Variants in AASDH observed in about 807,000 individuals in gnomAD.
AASDH encodes the protein aminoadipate-semialdehyde dehydrogenase.
A neutral mutation model predicts 102.3 loss-of-function variants in AASDH; 81 were observed. The observed-to-expected ratio is 0.79, with a 90% confidence interval of 0.66 to 0.95. The LOEUF is 0.95. Ranked by LOEUF, AASDH falls within the 40% of genes least tolerant of loss-of-function variation. AASDH has a pLI of 0.00. For missense variants in AASDH, 1,203 were observed against 1,266.2 expected (o/e 0.95, Z 0.76); for synonymous variants, 398 against 454.0 (o/e 0.88, Z 1.57).
At chr4:56,381,819 T>C (rs1753004373) in intron 3 of AASDH, 1 of 152,076 alleles carries the variant, frequency 6.6e-6, no homozygotes, top group Non-Finnish European at 1.5e-5. Context: ...TTATAAATAA[T>C]AAATAAACAA....
At chr4:56,373,442 C>T (rs1362815951) in intron 4 of AASDH, among the ~76,000 whole-genome samples, 1 of 152,128 alleles carries the variant, frequency 6.6e-6, no homozygotes, top group Non-Finnish European at 1.5e-5. Context: ...CGCGCCTGGC[C>T]TCTAGGTTTT....
intron 3 of AASDH, among the ~76,000 whole-genome samples, chr4:56,380,233 G>C (rs1752807284): frequency 6.6e-6 from 1 of 152,190 alleles, no homozygotes; most frequent in South Asian, 2.1e-4. Flanking sequence ...CAGGTGATTT[G>C]GTGGATGGAG....
At position 56,384,116 on chromosome 4, in the gene AASDH, C is replaced by T. The variant is rs750621716; in HGVS notation, c.184G>A (p.Gly62Ser). The T allele has an allele frequency of 2.7e-5, 43 of 1,614,060 alleles. No homozygotes were observed. Among genetic ancestry groups the T allele is most frequent in the Non-Finnish European group, 3.6e-5 (43 of 1,180,010 alleles). Residue 62 changes from glycine to serine, a missense_variant, in exon 2 of 15, where the codon GGT becomes AGT. Gly to Ser is a moderately conservative substitution (Grantham distance 56). Transcript: ENST00000205214. ...HCDFQGIREI[G>S]LYCQPGIDLP... The stretch of plus-strand genomic sequence containing the variant: ...TCTATCCCAGGTTGGCAGTAGAGAC[C>T]AATTTCCCGAATTCCTTGAAAGTCA...
chr4:56,379,570 A>C (rs993705350), intron 3 of AASDH, among the ~76,000 whole-genome samples: 1 of 152,170 alleles, frequency 6.6e-6, no homozygotes, highest in African/African-American at 2.4e-5. Context: ...AAGATAAATA[A>C]ATCTCCAAGA....
At chr4:56,351,296 A>G (rs759064355) in intron 10 of AASDH, 46 bp downstream of exon 10, 3 of 1,265,682 alleles carry the variant, frequency 2.4e-6, no homozygotes, top group Non-Finnish European at 3.4e-6. Flanking sequence ...CTAAAGATAT[A>G]AAACGACCTC....
At chr4:56,365,810 C>G (rs1163963579) in intron 5 of AASDH, among the ~76,000 whole-genome samples, 1 of 152,100 alleles carries the variant, frequency 6.6e-6, no homozygotes, top group Non-Finnish European at 1.5e-5. Context: ...ATTAAAAGAA[C>G]TAGAGAAGCA....
intron 3 of AASDH, 100 bp from the exon 4 acceptor site, chr4:56,378,564 T>C: frequency 9.4e-7 from 1 of 1,063,664 alleles, no homozygotes; most frequent in Non-Finnish European, 1.3e-6. Flanking sequence ...TCAGTATCCT[T>C]GGGGGAATTG....
chr4:56,346,004 C>A (rs1332648379), intron 11 of AASDH, among the ~76,000 whole-genome samples: 3 of 152,212 alleles, frequency 2.0e-5, no homozygotes, highest in Non-Finnish European at 4.4e-5. Context: ...AGAGCCTATG[C>A]TCTTAACAAC....
chr4:56,374,813 C>T (rs972017387), intron 4 of AASDH, among the ~76,000 whole-genome samples: 2 of 152,114 alleles, frequency 1.3e-5, no homozygotes, highest in Non-Finnish European at 2.9e-5. Context: ...AAAAGCTCTC[C>T]ACCCCCATTT....
intron 5 of AASDH, among the ~76,000 whole-genome samples, chr4:56,360,741 A>G (rs545974937): frequency 1.3e-5 from 2 of 152,336 alleles, no homozygotes; most frequent in South Asian, 2.1e-4. Context: ...GTTTCTCTCA[A>G]TAAAATCCAT....
intron 4 of AASDH, among the ~76,000 whole-genome samples, chr4:56,374,584 C>T (rs778142605): frequency 1.9e-4 from 29 of 151,984 alleles, no homozygotes; most frequent in Non-Finnish European, 2.4e-4. Flanking sequence ...TTCTTATCTC[C>T]TGTTTATTTT....
At position 56,374,367 on chromosome 4, in the gene AASDH, C is replaced by CAAAA. The variant is rs752531940; in HGVS notation, c.669-2725_669-2724insTTTT. Among the ~76,000 whole-genome samples, 37 of 110,230 alleles carry CAAAA rather than the reference C, an allele frequency of 3.4e-4. 7 individuals are homozygous for CAAAA. Among genetic ancestry groups the CAAAA allele is most frequent in the Non-Finnish European group, 3.6e-4 (19 of 52,728 alleles). 72.3% of individuals were successfully genotyped at this position (110,230 alleles called of 152,430 possible). On this transcript the variant is annotated intron_variant, in intron 4 of 14. Transcript: ENST00000205214. ...TGGGTGACAGAGTGAGACTCTGTCT[C>CAAAA]AGAAAAAAAAAAAAAAAAAAAAAGG...
rs928254066 is a variant in AASDH, at chr4:56,338,745, G to A, written c.2954C>T (p.Thr985Ile). 6.2e-7 allele frequency: 1 copy of A among 1,614,040 alleles called. No homozygotes were observed. Among genetic ancestry groups the A allele is most frequent in the Non-Finnish European group, 8.5e-7 (1 of 1,180,024 alleles). Residue 985 changes from threonine to isoleucine, a missense_variant, in exon 15 of 15, where the codon ACC becomes ATC. Physicochemically the swap from Thr to Ile is moderately conservative, Grantham distance 89 (BLOSUM62 -1). Transcript: ENST00000205214. Reference protein sequence around the residue: ...TSGPIFSSPCTSPSEQKIFFG... With the variant: ...TSGPIFSSPCISPSEQKIFFG... ...AAATATTTTTTGCTCTGATGGTGAGGTACACGGGGATGAAAAGATTGGTCC... is the reference window on the plus strand; with the variant it reads ...AAATATTTTTTGCTCTGATGGTGAGATACACGGGGATGAAAAGATTGGTCC...
rs780210767 is a variant in AASDH at position 56,354,806 on chromosome 4, T to C, written c.1109A>G (p.Glu370Gly). Residue 370 changes from glutamate (E) to glycine (G), a missense_variant, in exon 7 of 15, where the codon GAA becomes GGA. Physicochemically the swap from Glu to Gly is moderately conservative, Grantham distance 98. Transcript: ENST00000205214. ...EKTLNSTLKC[E>G]LPVQLGFPLL... ...TGGAAATCCCAGTTGTACAGGCAATTCACATCTATGAAAATAAGATACAGA... is the reference window on the plus strand; with the variant it reads ...TGGAAATCCCAGTTGTACAGGCAATCCACATCTATGAAAATAAGATACAGA... The C allele has an allele frequency of 6.3e-7, 1 of 1,598,164 alleles. No homozygotes were observed. Among genetic ancestry groups the C allele is most frequent in the Admixed American group, 1.8e-5 (1 of 56,768 alleles).
intron 11 of AASDH, among the ~76,000 whole-genome samples, chr4:56,346,366 A>G (rs1239995912): frequency 6.6e-6 from 1 of 152,218 alleles, no homozygotes; most frequent in Non-Finnish European, 1.5e-5. Flanking sequence ...AATGTCCTAC[A>G]TAGTAGAGCA....
rs753295098 is a variant in AASDH at position 56,371,675 on chromosome 4, C to T, written c.669-32G>A. ...CAAAACAGAATGCAGTTATGAGAAA[C>T]GTCAAACATTCAGTAAGCACATATC... is the stretch of plus-strand genomic sequence containing the variant. On this transcript the variant is annotated intron_variant, in intron 4 of 14. Coordinates refer to ENST00000205214, the MANE Select transcript of AASDH (RefSeq NM_181806.4). 6 of 1,560,388 alleles carry T rather than the reference C, an allele frequency of 3.8e-6. No homozygotes were observed. In the African/African-American group the frequency reaches 4.1e-5, roughly 11 times the overall value.
intron 10 of AASDH, among the ~76,000 whole-genome samples, chr4:56,350,778 A>G (rs1288587585): frequency 6.6e-6 from 1 of 152,156 alleles, no homozygotes; most frequent in Non-Finnish European, 1.5e-5. Context: ...AGTAGAAGAG[A>G]CTTTTATCTT....
At position 56,354,736 on chromosome 4, in the gene AASDH, T is replaced by C; in HGVS notation, c.1179A>G (p.Thr393=). The change falls in exon 7 of 15, where the codon ACA becomes ACG. Residue 393 remains threonine (T), a synonymous_variant. Transcript: ENST00000205214. The stretch of plus-strand genomic sequence containing the variant: ...ATACTTGGCCACTGCCTTCCTGAAT[T>C]GTGAAGCCATTAGTATCTCTGACTT... ...VVEVRDTNGF[T]IQEGSGQVFL... 1 of 1,607,440 alleles carries C rather than the reference T, an allele frequency of 6.2e-7. No individual in the cohort carries two copies. Among genetic ancestry groups the C allele is most frequent in the Non-Finnish European group, 8.5e-7 (1 of 1,177,248 alleles).
chr4:56,369,955 A>C (rs565561749), intron 5 of AASDH, among the ~76,000 whole-genome samples: 1 of 151,998 alleles, frequency 6.6e-6, no homozygotes, highest in African/African-American at 2.4e-5. Context: ...AAAAAAAAAA[A>C]AAAAAAAACA....
Sources: allele counts gnomAD v4.1 joint callset (sites outside exome capture counted in the v4.1 genomes callset), GRCh38; gene constraint gnomAD v4.1.1; transcripts MANE v1.5; gene names NCBI Gene and HGNC (gene_info 2026-07-23, HGNC 2026-07-21).